Variants in GK observed in about 807,000 individuals in gnomAD.
The protein encoded by GK is ATP:glycerol 3-phosphotransferase.
In GK, 9 loss-of-function variants were observed where a neutral mutation model predicts 56.4. That is an observed-to-expected ratio of 0.16 (90% CI 0.10 to 0.28). The LOEUF (loss-of-function observed/expected upper bound fraction) is 0.28. GK is among the 10% of genes least tolerant of loss of function. The pLI is 1.00. For synonymous variants in GK, 104 were observed against 144.1 expected (o/e 0.72, Z 1.99); for missense variants, 161 against 431.4 (o/e 0.37, Z 5.55).
At chrX:30,724,232 GTTAT>G (rs1937039727) in intron 19 of GK, 51 bp downstream of exon 19, 5 of 744,499 alleles carry the variant, frequency 6.7e-6, no homozygotes, top group Admixed American at 2.5e-5. Context: ...ATATTAAATA[GTTAT>G]TTAAGTATCT....
At chrX:30,709,956 C>T (rs1159279964) in intron 13 of GK, among the ~76,000 whole-genome samples, 1 of 111,129 alleles carries the variant, frequency 9.0e-6, no homozygotes, top group African/African-American at 3.3e-5. Flanking sequence ...AATTCGTTTT[C>T]ACTCTTTACT....
At chrX:30,697,045 G>A (rs751960721) in intron 8 of GK, among the ~76,000 whole-genome samples, 25 of 112,615 alleles carry the variant, frequency 2.2e-4, no homozygotes, top group African/African-American at 7.4e-4. Context: ...TCTTTTTCCC[G>A]TTGAATCTTT....
chrX:30,700,423 G>A lies in GK; in HGVS notation c.757G>A (p.Ala253Thr). ...TTTTAAATTTTATTAGAAAGCTGGG[G>A]CCTTGGAAGGTGTGCCAATATCTGG... The part of the protein sequence containing the change: ...MKISHSVKAG[A>T]LEGVPISGCL... Residue 253 changes from alanine to threonine, a missense_variant, in exon 10 of 21, where the codon GCC (alanine) becomes ACC (threonine). Physicochemically the swap from Ala to Thr is moderately conservative, Grantham distance 58 (BLOSUM62 0). Coordinates refer to ENST00000427190, the MANE Select transcript of GK (RefSeq NM_001205019.2). 1 of 1,201,701 alleles carries A rather than the reference G, an allele frequency of 8.3e-7. No homozygotes were observed. Among genetic ancestry groups the A allele is most frequent in the Non-Finnish European group, 1.1e-6 (1 of 887,073 alleles).
intron 1 of GK, among the ~76,000 whole-genome samples, chrX:30,661,185 A>G (rs1466982521): frequency 9.0e-6 from 1 of 111,702 alleles, no homozygotes; most frequent in Non-Finnish European, 1.9e-5. Context: ...TCTGTGCCCA[A>G]GCAACATCTC....
intron 4 of GK, among the ~76,000 whole-genome samples, chrX:30,689,869 G>A (rs1241884689): frequency 4.5e-5 from 5 of 111,733 alleles, no homozygotes; most frequent in Non-Finnish European, 9.4e-5. Context: ...ATCTATTATA[G>A]GCCATCTATT....
intron 5 of GK, among the ~76,000 whole-genome samples, chrX:30,691,715 G>A (rs1443616616): frequency 1.8e-5 from 2 of 109,675 alleles, no homozygotes; most frequent in Admixed American, 9.7e-5. Context: ...CTCATGATCC[G>A]CCCACTTCGG....
intron 3 of GK, among the ~76,000 whole-genome samples, chrX:30,671,118 T>A (rs1933460773): frequency 9.2e-6 from 1 of 108,324 alleles, no homozygotes; most frequent in Non-Finnish European, 1.9e-5. Context: ...GGTGAAACCC[T>A]GTCTCTACTA....
chrX:30,667,538 T>C (rs764183284), intron 2 of GK, among the ~76,000 whole-genome samples: 1 of 112,016 alleles, frequency 8.9e-6, no homozygotes, highest in Admixed American at 9.6e-5. Flanking sequence ...GGGAAAAAAG[T>C]AGCAAAAAAG....
At chrX:30,725,025 C>T (rs1381638457) in intron 19 of GK, among the ~76,000 whole-genome samples, 3 of 109,925 alleles carry the variant, frequency 2.7e-5, no homozygotes, top group Non-Finnish European at 5.7e-5. Context: ...GGATTACAGG[C>T]GCCCACCACC....
At chrX:30,669,297 C>T (rs1933311322) in intron 3 of GK, among the ~76,000 whole-genome samples, 1 of 108,097 alleles carries the variant, frequency 9.3e-6, no homozygotes, top group African/African-American at 3.4e-5. Flanking sequence ...ATTCTCCTGC[C>T]TCAGCCTCCC....
At chrX:30,678,375 A>G (rs1934053640) in intron 4 of GK, among the ~76,000 whole-genome samples, 1 of 111,564 alleles carries the variant, frequency 9.0e-6, no homozygotes, top group Admixed American at 9.6e-5. Flanking sequence ...ACCACTTCCT[A>G]AAAGGAAAAT....
At chrX:30,664,535 T>C (rs1932942211) in intron 1 of GK, among the ~76,000 whole-genome samples, 1 of 109,056 alleles carries the variant, frequency 9.2e-6, no homozygotes, top group Non-Finnish European at 1.9e-5. Context: ...TTTTTAGTAG[T>C]GCTAAAATTG....
At chrX:30,707,295 A>G (rs1368353777) in intron 11 of GK, among the ~76,000 whole-genome samples, 1 of 104,890 alleles carries the variant, frequency 9.5e-6, no homozygotes, top group Non-Finnish European at 2.0e-5. Flanking sequence ...GCGCCACTGC[A>G]CTCCAGCCTG....
chrX:30,718,959 A>G (rs981499172), intron 14 of GK, among the ~76,000 whole-genome samples: 2 of 111,517 alleles, frequency 1.8e-5, no homozygotes, highest in Non-Finnish European at 3.8e-5. Context: ...GTGAGCATTA[A>G]AACTCTGGTA....
intron 9 of GK, among the ~76,000 whole-genome samples, chrX:30,699,526 G>A (rs771411885): frequency 2.8e-5 from 3 of 106,910 alleles, no homozygotes; most frequent in East Asian, 2.9e-4. Flanking sequence ...CATCATGCCC[G>A]GCTAATTTTG....
At chrX:30,728,706 T>C in intron 20 of GK, 26 bp from the exon 21 acceptor site, 1 of 1,065,726 alleles carries the variant, frequency 9.4e-7, no homozygotes, top group South Asian at 1.9e-5. Flanking sequence ...ATTATTGACA[T>C]ATATGGTTTT....
At chrX:30,682,708 T>G (rs1934347751) in intron 4 of GK, among the ~76,000 whole-genome samples, 1 of 112,115 alleles carries the variant, frequency 8.9e-6, no homozygotes, top group Non-Finnish European at 1.9e-5. Context: ...GTCTGCAGGT[T>G]TTATACTTTT....
chrX:30,722,754 G>A (rs1244952120), intron 18 of GK, among the ~76,000 whole-genome samples: 1 of 110,866 alleles, frequency 9.0e-6, no homozygotes, highest in African/African-American at 3.3e-5. Flanking sequence ...TAAAAATTTG[G>A]TAGCTGACAT....
intron 19 of GK, among the ~76,000 whole-genome samples, chrX:30,725,556 A>G (rs1427728318): frequency 8.9e-6 from 1 of 112,150 alleles, no homozygotes; most frequent in Admixed American, 9.4e-5. Flanking sequence ...AGTTGCCCTT[A>G]ATTATTGCTT....
Sources: gnomAD v4.1 joint callset for allele counts (sites outside exome capture counted in the v4.1 genomes callset) on GRCh38, gnomAD v4.1.1 for gene constraint, MANE v1.5 for transcripts, NCBI Gene and HGNC (gene_info 2026-07-23, HGNC 2026-07-21) for gene names.